The following MGAT4C variants were observed in gnomAD, a reference collection of about 807,000 sequenced individuals.
The protein encoded by MGAT4C is MGAT4 family member C.
Under a neutral mutation model 40.1 loss-of-function variants are expected in MGAT4C, and 19 were observed. That is an observed-to-expected ratio of 0.47 (90% CI 0.33 to 0.70). The LOEUF is 0.70. Among genes scored for constraint, MGAT4C ranks in the 30% least tolerant of loss-of-function variants. The pLI is 0.02. For missense variants in MGAT4C, 491 were observed against 563.2 expected (o/e 0.87, Z 1.30); for synonymous variants, 181 against 187.1 (o/e 0.97, Z 0.27).
intron 1 of MGAT4C, among the ~76,000 whole-genome samples, chr12:86,078,113 C>G (rs1247010284): frequency 6.6e-6 from 1 of 152,136 alleles, no homozygotes; most frequent in Non-Finnish European, 1.5e-5. Flanking sequence ...TACACCTCCA[C>G]CCCTTGATTC....
chr12:86,528,705 C>G (rs1253415521), intron 2 of MGAT4C, among the ~76,000 whole-genome samples: 1 of 151,994 alleles, frequency 6.6e-6, no homozygotes, highest in African/African-American at 2.4e-5. Context: ...ATAAGTCCTT[C>G]ACTTTTTTGT....
Position 86,814,782 on chromosome 12 carries a change from C to T in MGAT4C, c.-262+23884G>A, listed in dbSNP as rs1396150515. Among the ~76,000 whole-genome samples the T allele has an allele frequency of 2.0e-5, 3 of 152,048 alleles. No individual in the cohort carries two copies. In the East Asian group the frequency reaches 5.8e-4, roughly 30 times the overall value. On this transcript the variant is annotated intron_variant, in intron 1 of 7. Transcript: ENST00000548651. ...AAGAGGCCCCAGAGAGCCACCTTAC[C>T]TTTTCCACCATTTGAAGAACAGAGA...
At chr12:86,443,245 T>C (rs1277905553) in intron 2 of MGAT4C, among the ~76,000 whole-genome samples, 1 of 152,034 alleles carries the variant, frequency 6.6e-6, no homozygotes, top group Admixed American at 6.6e-5. Flanking sequence ...TAAATTTCTG[T>C]TGACACAATA....
At chr12:86,388,340 T>C (rs191429323) in intron 3 of MGAT4C, among the ~76,000 whole-genome samples, 42 of 152,238 alleles carry the variant, frequency 2.8e-4, no homozygotes, top group African/African-American at 1.0e-3. Flanking sequence ...GGAAAGGAAA[T>C]GCATTATAAT....
At chr12:86,802,553 A>C (rs993720634) in intron 1 of MGAT4C, among the ~76,000 whole-genome samples, 1 of 152,028 alleles carries the variant, frequency 6.6e-6, no homozygotes, top group African/African-American at 2.4e-5. Context: ...TTTAATAAGC[A>C]ACTTCAGCAA....
intron 1 of MGAT4C, among the ~76,000 whole-genome samples, chr12:86,193,789 T>C (rs756171320): frequency 2.2e-4 from 34 of 152,302 alleles, no homozygotes; most frequent in Non-Finnish European, 4.1e-4. Flanking sequence ...ATATTCCCTA[T>C]GTATTTGACT....
At chr12:86,508,922 T>TA (rs1958521037) in intron 2 of MGAT4C, among the ~76,000 whole-genome samples, 1 of 151,266 alleles carries the variant, frequency 6.6e-6, no homozygotes, top group Non-Finnish European at 1.5e-5. Flanking sequence ...TTTTTTCTTG[T>TA]AAATTTGTTT....
At chr12:86,219,821 T>C (rs1950814539) in intron 1 of MGAT4C, among the ~76,000 whole-genome samples, 1 of 152,196 alleles carries the variant, frequency 6.6e-6, no homozygotes, top group Admixed American at 6.5e-5. Flanking sequence ...CTGGAAGGCC[T>C]ATCCCCCTAA....
chr12:86,266,912 T>C (rs1246173250), intron 4 of MGAT4C, among the ~76,000 whole-genome samples: 2 of 152,122 alleles, frequency 1.3e-5, no homozygotes, highest in Non-Finnish European at 2.9e-5. Flanking sequence ...TTTAGCCTTT[T>C]TAGTTTGTGA....
At chr12:86,168,656 A>C (rs995987880) in intron 1 of MGAT4C, among the ~76,000 whole-genome samples, 14 of 152,280 alleles carry the variant, frequency 9.2e-5, no homozygotes, top group Non-Finnish European at 1.9e-4. Flanking sequence ...GAAATTAATA[A>C]AATCTGTAGA....
chr12:86,575,000 C>T (rs1960503837), intron 2 of MGAT4C, among the ~76,000 whole-genome samples: 1 of 151,662 alleles, frequency 6.6e-6, no homozygotes, highest in Admixed American at 6.6e-5. Context: ...ACTTCAAAAT[C>T]AAAACCTTAG....
chr12:86,129,557 T>C, intron 1 of MGAT4C, among the ~76,000 whole-genome samples: 1 of 25,752 alleles, frequency 3.9e-5, no homozygotes, highest in African/African-American at 4.2e-4. Flanking sequence ...TTTTTTTTTT[T>C]TTTTTTTTTT....
intron 2 of MGAT4C, among the ~76,000 whole-genome samples, chr12:86,497,780 C>T (rs1265708831): frequency 6.7e-6 from 1 of 149,150 alleles, no homozygotes; most frequent in Non-Finnish European, 1.5e-5. Flanking sequence ...CATGGTGATG[C>T]TTATTTTGCT....
chr12:86,119,215 A>G (rs572588246), intron 1 of MGAT4C, among the ~76,000 whole-genome samples: 2 of 152,236 alleles, frequency 1.3e-5, no homozygotes, highest in East Asian at 1.9e-4. Context: ...TAATTTTTAT[A>G]TCAGTATATA....
chr12:86,831,656 A>G (rs1952930600), intron 1 of MGAT4C, among the ~76,000 whole-genome samples: 1 of 151,800 alleles, frequency 6.6e-6, no homozygotes, highest in Non-Finnish European at 1.5e-5. Flanking sequence ...AAAAATAGCT[A>G]AAGAAATTTT....
chr12:86,360,985 C>G, intron 3 of MGAT4C, among the ~76,000 whole-genome samples: 1 of 152,044 alleles, frequency 6.6e-6, no homozygotes, highest in Non-Finnish European at 1.5e-5. Context: ...GGAAAAACTA[C>G]TTTAAAATTC....
intron 1 of MGAT4C, among the ~76,000 whole-genome samples, chr12:86,078,520 C>T (rs960387184): frequency 6.6e-6 from 1 of 152,228 alleles, no homozygotes; most frequent in Admixed American, 6.5e-5. Context: ...GGACACACTG[C>T]TGCCCTTTCC....
At chr12:86,689,016 C>G (rs1392612145) in intron 2 of MGAT4C, among the ~76,000 whole-genome samples, 1 of 152,176 alleles carries the variant, frequency 6.6e-6, no homozygotes, top group African/African-American at 2.4e-5. Context: ...TCACATAGTT[C>G]CATACTTTTT....
intron 2 of MGAT4C, among the ~76,000 whole-genome samples, chr12:86,700,816 C>T (rs969927178): frequency 2.8e-4 from 43 of 151,926 alleles, no homozygotes; most frequent in African/African-American, 9.9e-4. Flanking sequence ...TCATGTGATT[C>T]GTTCCAAAAA....
Sources: allele counts gnomAD v4.1 joint callset (sites outside exome capture counted in the v4.1 genomes callset), GRCh38; gene constraint gnomAD v4.1.1; transcripts MANE v1.5; gene names NCBI Gene and HGNC (gene_info 2026-07-23, HGNC 2026-07-21).